The following PARP1 variants were observed in gnomAD, a reference collection of about 807,000 sequenced individuals.
PARP1 encodes the protein poly(ADP-ribose) polymerase 1.
Under a neutral mutation model 118.7 loss-of-function variants are expected in PARP1, and 44 were observed. The ratio of observed to expected loss-of-function variants is 0.37; its 90% CI spans 0.29 to 0.48. The LOEUF (loss-of-function observed/expected upper bound fraction) is 0.48, where lower values mean the gene tolerates loss of function less well. Ranked by LOEUF, PARP1 falls within the 20% of genes least tolerant of loss-of-function variation. The pLI is 0.99. For synonymous variants in PARP1, 492 were observed against 483.2 expected, an observed-to-expected ratio of 1.02 and a Z score of -0.24; for missense variants, 1,100 against 1,272.4, an observed-to-expected ratio of 0.86 and a Z score of 2.06.
At chr1:226,399,156 C>T (rs1488418359) in intron 2 of PARP1, among the ~76,000 whole-genome samples, 1 of 150,244 alleles carries the variant, frequency 6.7e-6, no homozygotes, top group African/African-American at 2.5e-5. Flanking sequence ...TCACTGCAAC[C>T]TCCGCCTCCC....
intron 13 of PARP1, among the ~76,000 whole-genome samples, chr1:226,376,544 T>C (rs1170885310): frequency 1.3e-5 from 2 of 152,204 alleles, no homozygotes. Flanking sequence ...TACGTCCTAT[T>C]GTTTCAGGAG....
rs575416223 is a variant in PARP1, at chr1:226,408,027, C to T, written c.-98G>A. ...TCGCGTGCGCTCACCCAGCCGCAGG[C>T]GCCTGAGCGGCCAGAGCCGCCACCG... is the stretch of plus-strand genomic sequence containing the variant. On this transcript the variant is annotated 5_prime_UTR_variant, in exon 1 of 23. Coordinates refer to ENST00000366794, the MANE Select transcript of PARP1 (RefSeq NM_001618.4). 6.4e-7 allele frequency: 1 copy of T among 1,566,204 alleles called. No individual in the cohort carries two copies. The highest frequency in any genetic ancestry group is 8.7e-7 in the Non-Finnish European group (1 of 1,151,436).
intron 3 of PARP1, among the ~76,000 whole-genome samples, chr1:226,391,716 G>A (rs1289595980): frequency 1.3e-5 from 2 of 152,170 alleles, no homozygotes; most frequent in South Asian, 4.1e-4. Flanking sequence ...TTAGAGAAGG[G>A]TGAGAAGGCT....
intron 1 of PARP1, among the ~76,000 whole-genome samples, chr1:226,403,787 A>C (rs1665084757): frequency 6.6e-6 from 1 of 152,254 alleles, no homozygotes; most frequent in Non-Finnish European, 1.5e-5. Context: ...GGAAGTCCCA[A>C]ACATCTGCTT....
chr1:226,367,025 A>T, intron 17 of PARP1: 1 of 268,810 alleles, frequency 3.7e-6, no homozygotes, highest in Non-Finnish European at 7.2e-6. Flanking sequence ...AGCACCAGAG[A>T]AAAATGAACG....
At position 226,368,256 on chromosome 1, in the gene PARP1, G is replaced by A. The variant is rs373006854; in HGVS notation, c.2220C>T (p.Ile740=). ...GCTTCTTCATCCCAAAGTCGTGGGG[G>A]ATCAGGGTGTAAAAGCGATTTGAGA... ...LDLSNRFYTL[I]PHDFGMKKPP... Residue 740 remains isoleucine, a synonymous_variant, in exon 16 of 23, where the codon ATC becomes ATT. Transcript: ENST00000366794. 10 of 1,614,098 alleles carry A rather than the reference G, an allele frequency of 6.2e-6. No homozygotes were observed. The South Asian group carries it at 9.9e-5, about 16-fold the overall frequency.
At chr1:226,397,839 G>A (rs563916103) in intron 2 of PARP1, among the ~76,000 whole-genome samples, 22 of 151,900 alleles carry the variant, frequency 1.4e-4, no homozygotes, top group Middle Eastern at 3.2e-3. Flanking sequence ...ACAGAACAGG[G>A]AGCCCAGAAA....
chr1:226,404,013 G>T (rs1665090363), intron 1 of PARP1, among the ~76,000 whole-genome samples: 1 of 152,138 alleles, frequency 6.6e-6, no homozygotes, highest in African/African-American at 2.4e-5. Context: ...GGCAGCACAA[G>T]GACTCCTCAA....
intron 14 of PARP1, among the ~76,000 whole-genome samples, chr1:226,372,150 A>C (rs1664396327): frequency 6.6e-6 from 1 of 152,090 alleles, no homozygotes; most frequent in Non-Finnish European, 1.5e-5. Flanking sequence ...TGCCCTCCTC[A>C]CAGGGAGAGT....
At position 226,405,457 on chromosome 1, in the gene PARP1, C is replaced by T. The variant is rs975791864; in HGVS notation, c.120+2353G>A. On this transcript the variant is annotated intron_variant, in intron 1 of 22. Coordinates refer to ENST00000366794, the MANE Select transcript of PARP1 (RefSeq NM_001618.4). The stretch of plus-strand genomic sequence containing the variant: ...TAGCTGGGACTTAACAGGCACGCAC[C>T]ACCACGACCCGCTAATCATTGCATT... 9.2e-5 allele frequency among the ~76,000 whole-genome samples: 14 copies of T among 152,234 alleles called. No individual in the cohort carries two copies. In the South Asian group the frequency reaches 2.1e-3, roughly 23 times the overall value.
chr1:226,388,396 G>C (rs1664754107), intron 5 of PARP1, among the ~76,000 whole-genome samples: 1 of 152,224 alleles, frequency 6.6e-6, no homozygotes, highest in Non-Finnish European at 1.5e-5. Flanking sequence ...CTGGTGAGCG[G>C]AAACAGAGCA....
At chr1:226,371,069 C>T (rs1333919798) in intron 14 of PARP1, 1 of 157,988 alleles carries the variant, frequency 6.3e-6, no homozygotes, top group Admixed American at 6.0e-5. Flanking sequence ...AATATTGCTA[C>T]TGCTCATATC....
chr1:226,386,002 G>A (rs1664709782), intron 6 of PARP1, among the ~76,000 whole-genome samples: 1 of 152,164 alleles, frequency 6.6e-6, no homozygotes, highest in African/African-American at 2.4e-5. Flanking sequence ...GCAGAGAAGG[G>A]CCAGCTGGGG....
chr1:226,368,201 GCA>G lies in PARP1; in HGVS notation c.2273_2274del (p.Val758AlafsTer8). 6.2e-7 allele frequency: 1 copy of G among 1,614,168 alleles called. No individual in the cohort carries two copies. Among genetic ancestry groups the G allele is most frequent in the Non-Finnish European group, 8.5e-7 (1 of 1,180,026 alleles). ...TCCCTTCTGAACCCTTGCGCTACCT[GCA>G]CACTGTCTGCATTGTTCAGGAGCGG... ...KPPLLNNADS[V>X]QAKVEMLDNL... On this transcript the variant is annotated frameshift_variant, in exon 16 of 23. Coordinates refer to ENST00000366794, the MANE Select transcript of PARP1 (RefSeq NM_001618.4). LOFTEE classifies it high-confidence loss of function.
chr1:226,393,088 A>G, intron 2 of PARP1: 1 of 1,058,132 alleles, frequency 9.5e-7, no homozygotes, highest in Non-Finnish European at 1.3e-6. Flanking sequence ...TTCCTAAGAG[A>G]TATCTTAAGA....
At chr1:226,372,161 C>G (rs1380939462) in intron 14 of PARP1, among the ~76,000 whole-genome samples, 1 of 152,238 alleles carries the variant, frequency 6.6e-6, no homozygotes, top group Non-Finnish European at 1.5e-5. Context: ...CAGGGAGAGT[C>G]AGGTTCCCCT....
Position 226,388,681 on chromosome 1 carries a change from T to C in PARP1, c.692A>G (p.Asp231Gly). 1 of 1,613,594 alleles carries C rather than the reference T, an allele frequency of 6.2e-7. No homozygotes were observed. The highest frequency in any genetic ancestry group is 1.7e-5 in the Admixed American group (1 of 60,024). Residue 231 changes from aspartate (D) to glycine (G), a missense_variant, in exon 5 of 23, where the codon GAT becomes GGT. Around this residue, in one of 2 missense-constraint regions of PARP1, gnomAD observed 948 missense variants for 1,031.8 expected, o/e 0.92. Coordinates refer to ENST00000366794, the MANE Select transcript of PARP1 (RefSeq NM_001618.4). ...CTTTAGGGCTTTTTCAAGCTTACTATCCTTGTCTTTTTCTTTTTTAGATTT... is the reference window on the plus strand; with the variant it reads ...CTTTAGGGCTTTTTCAAGCTTACTACCCTTGTCTTTTTCTTTTTTAGATTT... ...KKKSKKEKDK[D>G]SKLEKALKAQ...
chr1:226,361,756 A>T (rs1045910427), intron 22 of PARP1: 5 of 664,294 alleles, frequency 7.5e-6, no homozygotes, highest in Non-Finnish European at 1.4e-5. Flanking sequence ...GACTGAGGAG[A>T]GGAGATCATC....
At position 226,361,439 on chromosome 1, in the gene PARP1, T is replaced by G. The variant is rs1664135669; in HGVS notation, c.*21A>C. On this transcript the variant is annotated 3_prime_UTR_variant, in exon 23 of 23. Coordinates refer to ENST00000366794, the MANE Select transcript of PARP1 (RefSeq NM_001618.4). ...GAATTCATACCAGAGCCACCGGGTG[T>G]GACTCGGCTACCTCTCCCAATTACC... 3.2e-6 allele frequency: 5 copies of G among 1,556,518 alleles called. No homozygotes were observed. The highest frequency in any genetic ancestry group is 4.4e-6 in the Non-Finnish European group (5 of 1,128,070).
Sources: allele counts gnomAD v4.1 joint callset (sites outside exome capture counted in the v4.1 genomes callset), GRCh38; gene constraint gnomAD v4.1.1; regional missense constraint gnomAD v4.1.1; transcripts MANE v1.5; gene names NCBI Gene and HGNC (gene_info 2026-07-23, HGNC 2026-07-21).